CRIM1: variants seen among roughly 807,000 people sequenced by gnomAD.
The protein encoded by CRIM1 is cysteine-rich motor neuron 1 protein.
Under a neutral mutation model 116.4 loss-of-function variants are expected in CRIM1, and 32 were observed. That is an observed-to-expected ratio of 0.27 (90% confidence interval 0.21 to 0.37). The LOEUF is 0.37. CRIM1 is among the 10% of genes least tolerant of loss of function. The pLI is 1.00. For missense variants in CRIM1, 1,331 were observed against 1,354.8 expected, an observed-to-expected ratio of 0.98 and a Z score of 0.28; for synonymous variants, 590 against 509.2, an observed-to-expected ratio of 1.16 and a Z score of -2.13.
Position 36,426,674 on chromosome 2 carries a change from G to A in CRIM1, c.506-14584G>A, listed in dbSNP as rs1321218166. ...ATTACTTAGAGTAGAAATTCACATTGAGCCAGTCCATCAAGCTCCCAGTAT... is the reference window on the plus strand; with the variant it reads ...ATTACTTAGAGTAGAAATTCACATTAAGCCAGTCCATCAAGCTCCCAGTAT... On this transcript the variant is annotated intron_variant, in intron 2 of 16. Coordinates refer to ENST00000280527, the MANE Select transcript of CRIM1 (RefSeq NM_016441.3). Among the ~76,000 whole-genome samples, 6 of 152,242 alleles carry A rather than the reference G, an allele frequency of 3.9e-5. No homozygotes were observed. The East Asian group carries it at 9.7e-4, about 25-fold the overall frequency.
chr2:36,486,102 C>T (rs944901940), intron 7 of CRIM1, among the ~76,000 whole-genome samples: 3 of 152,032 alleles, frequency 2.0e-5, no homozygotes, highest in African/African-American at 4.8e-5. Flanking sequence ...TACATATTTG[C>T]AATAAAACTA....
intron 1 of CRIM1, among the ~76,000 whole-genome samples, chr2:36,396,204 C>T (rs184823946): frequency 6.6e-6 from 1 of 152,128 alleles, no homozygotes; most frequent in Non-Finnish European, 1.5e-5. Context: ...GCCACTGTGC[C>T]TGGCCAAAAA....
intron 1 of CRIM1, among the ~76,000 whole-genome samples, chr2:36,360,707 A>C (rs1416382739): frequency 6.6e-6 from 1 of 152,188 alleles, no homozygotes; most frequent in Non-Finnish European, 1.5e-5. Flanking sequence ...AGGAGGCCAG[A>C]TAATGAACCC....
chr2:36,438,121 A>T (rs1464503928), intron 2 of CRIM1, among the ~76,000 whole-genome samples: 1 of 142,128 alleles, frequency 7.0e-6, no homozygotes, highest in Non-Finnish European at 1.5e-5. Flanking sequence ...ACAGAGCAAG[A>T]CTCCATCTCA....
chr2:36,381,723 G>A (rs1670790344), intron 1 of CRIM1, among the ~76,000 whole-genome samples: 1 of 152,200 alleles, frequency 6.6e-6, no homozygotes, highest in South Asian at 2.1e-4. Flanking sequence ...GGAGGCAGAG[G>A]TTGCAGTGAG....
At chr2:36,390,131 G>C (rs1400186258) in intron 1 of CRIM1, among the ~76,000 whole-genome samples, 1 of 151,996 alleles carries the variant, frequency 6.6e-6, no homozygotes, top group East Asian at 1.9e-4. Flanking sequence ...AGAGGAGAAA[G>C]ACTAAGTCCA....
At chr2:36,496,314 T>A (rs1028021400) in intron 7 of CRIM1, among the ~76,000 whole-genome samples, 1 of 152,190 alleles carries the variant, frequency 6.6e-6, no homozygotes, top group Non-Finnish European at 1.5e-5. Flanking sequence ...CCCTAATCTA[T>A]TGAGGGGAAA....
intron 13 of CRIM1, among the ~76,000 whole-genome samples, chr2:36,535,593 G>A (rs1171468037): frequency 2.6e-5 from 4 of 152,122 alleles, no homozygotes; most frequent in Non-Finnish European, 4.4e-5. Context: ...AAAAATGATA[G>A]AAGTTGTTGA....
In CRIM1 at chr2:36,413,736, T is replaced by G. The variant is rs144070289; in HGVS notation, c.505+16949T>G. ...CCAATTCTTTCATCTTTGCAGTTTT[T>G]GGATTTTCATCTGAATTTTCAGCTG... On this transcript the variant is annotated intron_variant, in intron 2 of 16. Transcript: ENST00000280527. 2.7e-3 allele frequency among the ~76,000 whole-genome samples: 415 copies of G among 152,362 alleles called. 1 individual carries two copies. Among genetic ancestry groups the G allele is most frequent in the African/African-American group, 9.4e-3 (391 of 41,586 alleles).
intron 12 of CRIM1, 106 bp downstream of exon 12, chr2:36,517,648 GC>G (rs1261826090): frequency 2.0e-5 from 21 of 1,071,260 alleles, no homozygotes; most frequent in Non-Finnish European, 2.7e-5. Flanking sequence ...ATGGGAGTGT[GC>G]CAAACCCAGT....
At chr2:36,447,469 T>C (rs1038530120) in intron 4 of CRIM1, among the ~76,000 whole-genome samples, 1 of 152,194 alleles carries the variant, frequency 6.6e-6, no homozygotes, top group African/African-American at 2.4e-5. Context: ...TGATTCTGTG[T>C]GTTGACTGAG....
intron 2 of CRIM1, among the ~76,000 whole-genome samples, chr2:36,434,847 G>T (rs577600122): frequency 8.8e-4 from 134 of 152,086 alleles, no homozygotes; most frequent in African/African-American, 3.2e-3. Flanking sequence ...CATCATTTTT[G>T]CCATTCCCTT....
At chr2:36,511,407 A>G (rs990360250) in intron 9 of CRIM1, among the ~76,000 whole-genome samples, 2 of 152,240 alleles carry the variant, frequency 1.3e-5, no homozygotes, top group African/African-American at 4.8e-5. Context: ...TCCCCAAATA[A>G]AATAATGAAT....
At chr2:36,420,376 A>G (rs770650239) in intron 2 of CRIM1, among the ~76,000 whole-genome samples, 2 of 152,192 alleles carry the variant, frequency 1.3e-5, no homozygotes, top group Non-Finnish European at 2.9e-5. Context: ...CCAAGATTTC[A>G]CAGCAGGGAG....
chr2:36,387,764 C>T (rs570533338), intron 1 of CRIM1, among the ~76,000 whole-genome samples: 1 of 152,322 alleles, frequency 6.6e-6, no homozygotes, highest in East Asian at 1.9e-4. Context: ...GATGAGTTAA[C>T]ATGCTGTGTG....
intron 5 of CRIM1, among the ~76,000 whole-genome samples, chr2:36,469,560 A>G (rs964889793): frequency 6.6e-6 from 1 of 152,180 alleles, no homozygotes; most frequent in African/African-American, 2.4e-5. Context: ...TGAAATCACC[A>G]TTTAAAGGGG....
intron 16 of CRIM1, 29 bp from the exon 17 acceptor site, chr2:36,548,496 G>T (rs1031501222): frequency 4.0e-6 from 6 of 1,506,994 alleles, no homozygotes; most frequent in Middle Eastern, 1.8e-4. Context: ...CTAATTTTTT[G>T]TGGTTTTATT....
chr2:36,537,222 G>C, intron 13 of CRIM1, 130 bp from the exon 14 acceptor site: 5 of 857,508 alleles, frequency 5.8e-6, no homozygotes, highest in Non-Finnish European at 8.9e-6. Context: ...GGAAACAAAA[G>C]TTTCACCAAG....
At chr2:36,359,997 C>T (rs1488400477) in intron 1 of CRIM1, among the ~76,000 whole-genome samples, 1 of 152,094 alleles carries the variant, frequency 6.6e-6, no homozygotes, top group East Asian at 1.9e-4. Flanking sequence ...GGATCCTGAA[C>T]CCCTGAGAAA....
Sources: gnomAD v4.1 joint callset for allele counts (sites outside exome capture counted in the v4.1 genomes callset) on GRCh38, gnomAD v4.1.1 for gene constraint, MANE v1.5 for transcripts, NCBI Gene and HGNC (gene_info 2026-07-23, HGNC 2026-07-21) for gene names.